Variants in KLRG1 observed in about 807,000 individuals in gnomAD.
The protein encoded by KLRG1 is killer cell lectin-like receptor subfamily G member 1.
A neutral mutation model predicts 21.8 loss-of-function variants in KLRG1; 16 were observed. The observed-to-expected ratio is 0.73, with a 90% CI of 0.50 to 1.11. KLRG1 has a LOEUF of 1.11. Among genes scored for constraint, KLRG1 ranks in the 50% most tolerant of loss-of-function variants. The probability of loss-of-function intolerance (pLI) is 0.00; values close to 1 mark genes in which losing one functional copy is unlikely to be tolerated. For missense variants in KLRG1, 173 were observed against 218.3 expected (o/e 0.79, Z 1.31); for synonymous variants, 69 against 75.9 (o/e 0.91, Z 0.47).
chr12:9,112,509 C>A, the KLRG1 span: 4 of 1,613,630 alleles, frequency 2.5e-6, no homozygotes, highest in Non-Finnish European at 3.4e-6. Context: ...AGGAACATTA[C>A]CTCCTCATTG....
At chr12:9,091,679 T>C in the KLRG1 span, among the ~76,000 whole-genome samples, 1 of 152,224 alleles carries the variant, frequency 6.6e-6, no homozygotes, top group Non-Finnish European at 1.5e-5. Context: ...AACATGCAGT[T>C]TGAGATTGTT....
the KLRG1 span, among the ~76,000 whole-genome samples, chr12:9,054,702 A>G: frequency 6.6e-6 from 1 of 152,178 alleles, no homozygotes; most frequent in South Asian, 2.1e-4. Flanking sequence ...AGCCTAGGGT[A>G]AAATTGGTTT....
In KLRG1 at chr12:9,010,427, C is replaced by T. The variant is rs1196526672; in HGVS notation, c.*890C>T. The T allele has an allele frequency of 6.3e-6, 1 of 159,802 alleles. No homozygotes were observed. Among genetic ancestry groups the T allele is most frequent in the African/African-American group, 2.4e-5 (1 of 41,634 alleles). The allele number at this position is 159,802 out of a possible 1,614,324, so 9.9% of individuals were successfully genotyped here. The stretch of plus-strand genomic sequence containing the variant: ...CAAGATAGCAGTCAATTCGATAAGG[C>T]ATTTTCATAGAGGAAAGTTTACAGA... On this transcript the variant is annotated 3_prime_UTR_variant, in exon 5 of 5. Coordinates refer to ENST00000356986, the MANE Select transcript of KLRG1 (RefSeq NM_005810.4).
the KLRG1 span, among the ~76,000 whole-genome samples, chr12:9,215,391 C>A: frequency 6.6e-6 from 1 of 151,408 alleles, no homozygotes; most frequent in Non-Finnish European, 1.5e-5. Context: ...ATTACTAGGA[C>A]TGAAAAAAAA....
At chr12:9,213,852 C>T in the KLRG1 span, among the ~76,000 whole-genome samples, 1 of 151,992 alleles carries the variant, frequency 6.6e-6, no homozygotes. Context: ...CAATTTAAAA[C>T]ATTTTTTGGT....
At chr12:8,993,818 A>G (rs1183008756) in intron 2 of KLRG1, among the ~76,000 whole-genome samples, 2 of 152,174 alleles carry the variant, frequency 1.3e-5, no homozygotes, top group Non-Finnish European at 2.9e-5. Flanking sequence ...TCTAATATTT[A>G]TATGAAAAAT....
At chr12:9,091,381 G>A in the KLRG1 span, 5 of 1,614,158 alleles carry the variant, frequency 3.1e-6, no homozygotes, top group Non-Finnish European at 2.5e-6. Context: ...CCTTCCACTC[G>A]GTGATGGTGT....
chr12:9,034,214 G>A, the KLRG1 span, among the ~76,000 whole-genome samples: 3 of 152,192 alleles, frequency 2.0e-5, no homozygotes, highest in Non-Finnish European at 4.4e-5. Context: ...TAAGATTATA[G>A]CGAAGCTGAA....
At chr12:9,181,921 G>A in the KLRG1 span, 6 of 1,556,572 alleles carry the variant, frequency 3.9e-6, no homozygotes, top group Non-Finnish European at 4.4e-6. Flanking sequence ...AAAATAGATG[G>A]CACCTACAGT....
the KLRG1 span, among the ~76,000 whole-genome samples, chr12:9,126,415 A>C: frequency 6.6e-6 from 1 of 152,224 alleles, no homozygotes; most frequent in Non-Finnish European, 1.5e-5. Flanking sequence ...TTGAGAGGAA[A>C]ACTTGAGTTT....
Position 9,005,209 on chromosome 12 carries a change from G to C in KLRG1, c.358-3766G>C, listed in dbSNP as rs567252959. ...TCACACACCGGGCCTGTCGGGGGGT[G>C]GGGGGCAAGGGGAGGGATAGCACTA... is the stretch of plus-strand genomic sequence containing the variant. On this transcript the variant is annotated intron_variant, in intron 3 of 4. Coordinates refer to ENST00000356986, the MANE Select transcript of KLRG1 (RefSeq NM_005810.4). Among the ~76,000 whole-genome samples, 605 of 152,098 alleles carry C rather than the reference G, an allele frequency of 4.0e-3. 4 individuals carry two copies. The highest frequency in any genetic ancestry group is 7.3e-3 in the Non-Finnish European group (495 of 67,986).
At chr12:8,978,732 T>C (rs1421277284) in intron 1 of KLRG1, among the ~76,000 whole-genome samples, 2 of 151,612 alleles carry the variant, frequency 1.3e-5, no homozygotes, top group Admixed American at 1.3e-4. Flanking sequence ...TTCTTTCTTT[T>C]TTTTTGGAGT....
At chr12:9,028,027 T>C in the KLRG1 span, 105 of 1,237,544 alleles carry the variant, frequency 8.5e-5, 2 homozygotes, top group South Asian at 1.2e-3. Flanking sequence ...GAGTCATGGT[T>C]GTCAAAGGTT....
chr12:9,024,005 C>T, the KLRG1 span, among the ~76,000 whole-genome samples: 5 of 136,482 alleles, frequency 3.7e-5, no homozygotes, highest in East Asian at 2.1e-4. Context: ...ATCAATTGAT[C>T]GTGAACACAT....
the KLRG1 span, among the ~76,000 whole-genome samples, chr12:9,024,355 T>C: frequency 6.6e-6 from 1 of 152,046 alleles, no homozygotes; most frequent in South Asian, 2.1e-4. Context: ...TGCATTCTCT[T>C]CTGTTCCTTT....
chr12:8,968,340 A>G (rs1214417674), intron 1 of KLRG1, among the ~76,000 whole-genome samples: 2 of 152,210 alleles, frequency 1.3e-5, no homozygotes, highest in East Asian at 1.9e-4. Context: ...AGAACAAGAA[A>G]TATTACTAAG....
chr12:9,189,250 A>G, the KLRG1 span, among the ~76,000 whole-genome samples: 28 of 152,232 alleles, frequency 1.8e-4, no homozygotes, highest in Non-Finnish European at 2.9e-4. Flanking sequence ...TTCAAACTAT[A>G]CTACAGGGCT....
chr12:9,059,467 A>G, the KLRG1 span, among the ~76,000 whole-genome samples: 2 of 152,228 alleles, frequency 1.3e-5, no homozygotes, highest in African/African-American at 4.8e-5. Flanking sequence ...GATTAAAAAA[A>G]TCCAAACACC....
At chr12:9,136,223 G>T in the KLRG1 span, among the ~76,000 whole-genome samples, 1 of 152,216 alleles carries the variant, frequency 6.6e-6, no homozygotes, top group East Asian at 1.9e-4. Flanking sequence ...GTTGGCACCA[G>T]CCAGCTCTAC....
Sources: gnomAD v4.1 joint callset for allele counts (sites outside exome capture counted in the v4.1 genomes callset) on GRCh38, gnomAD v4.1.1 for gene constraint, MANE v1.5 for transcripts, NCBI Gene and HGNC (gene_info 2026-07-23, HGNC 2026-07-21) for gene names.